Variants in MAGT1 observed in about 807,000 individuals in gnomAD.
MAGT1 encodes the protein magnesium transporter 1, also known as dolichyl-diphosphooligosaccharide--protein glycosyltransferase subunit MAGT1.
Under a neutral mutation model 28.4 loss-of-function variants are expected in MAGT1, and 4 were observed. The ratio of observed to expected loss-of-function variants is 0.14; its 90% confidence interval spans 0.07 to 0.32. The LOEUF is 0.32. Among genes scored for constraint, MAGT1 ranks in the 10% least tolerant of loss-of-function variants. The probability of loss-of-function intolerance (pLI) is 1.00; values close to 1 mark genes in which losing one functional copy is unlikely to be tolerated. For missense variants in MAGT1, 193 were observed against 264.5 expected (o/e 0.73, Z 1.88); for synonymous variants, 89 against 89.7 (o/e 0.99, Z 0.04).
At chrX:77,847,289 G>A in intron 7 of MAGT1, among the ~76,000 whole-genome samples, 1 of 112,630 alleles carries the variant, frequency 8.9e-6, no homozygotes, top group Non-Finnish European at 1.9e-5. Context: ...GAAAAGCACA[G>A]TATTAGGGTG....
At chrX:77,864,789 A>G (rs1192403333) in intron 3 of MAGT1, among the ~76,000 whole-genome samples, 1 of 110,412 alleles carries the variant, frequency 9.1e-6, no homozygotes, top group Non-Finnish European at 1.9e-5. Flanking sequence ...CTGGCTCACT[A>G]CAACCTCCAC....
At chrX:77,844,634 C>A (rs1254043435) in intron 7 of MAGT1, among the ~76,000 whole-genome samples, 2 of 111,128 alleles carry the variant, frequency 1.8e-5, no homozygotes, top group Non-Finnish European at 3.8e-5. Flanking sequence ...CCCAGAGATT[C>A]TGGTATGTTG....
At chrX:77,842,436 AT>A (rs1340425377) in intron 7 of MAGT1, among the ~76,000 whole-genome samples, 1 of 111,502 alleles carries the variant, frequency 9.0e-6, no homozygotes, top group Non-Finnish European at 1.9e-5. Flanking sequence ...TATTTTTTAA[AT>A]TTTTCCCATG....
At chrX:77,868,573 G>A in intron 3 of MAGT1, 1 of 219,462 alleles carries the variant, frequency 4.6e-6, no homozygotes, top group Non-Finnish European at 9.0e-6. Context: ...GGAGGCAGAG[G>A]TTGCAGTGAG....
chrX:77,831,594 CTTTTTTTT>C (rs67369107), intron 8 of MAGT1, among the ~76,000 whole-genome samples: 1 of 91,330 alleles, frequency 1.1e-5, no homozygotes, highest in Non-Finnish European at 2.2e-5. Flanking sequence ...TTTTGGTTTT[CTTTTTTTT>C]TTTTTTTTGA....
At chrX:77,889,128 C>T (rs1038165687) in intron 1 of MAGT1, among the ~76,000 whole-genome samples, 2 of 102,678 alleles carry the variant, frequency 1.9e-5, no homozygotes, top group African/African-American at 7.0e-5. Flanking sequence ...GCACACACCA[C>T]CATGCTCTGC....
At chrX:77,869,469 C>T (rs2077015224) in intron 3 of MAGT1, among the ~76,000 whole-genome samples, 1 of 111,999 alleles carries the variant, frequency 8.9e-6, no homozygotes, top group Non-Finnish European at 1.9e-5. Context: ...ACCAACAACC[C>T]ACAGAGTGGG....
At chrX:77,871,214 T>C (rs2077019661) in intron 2 of MAGT1, among the ~76,000 whole-genome samples, 1 of 112,313 alleles carries the variant, frequency 8.9e-6, no homozygotes, top group Non-Finnish European at 1.9e-5. Flanking sequence ...TCAACAATCA[T>C]TGGAAATATA....
Position 77,858,395 on chromosome X carries a change from T to C in MAGT1, c.391-898A>G, listed in dbSNP as rs1405828657. ...TAGTAGAGACAGGGGTTCACCATGT[T>C]GGCCAGGCTGGTCTTGAACTCCTGA... On this transcript the variant is annotated intron_variant, in intron 3 of 9. Transcript: ENST00000618282. Among the ~76,000 whole-genome samples the C allele has an allele frequency of 4.5e-5, 5 of 110,918 alleles. No individual in the cohort carries two copies. In the Admixed American group the frequency reaches 4.9e-4, roughly 11 times the overall value.
intron 1 of MAGT1, among the ~76,000 whole-genome samples, chrX:77,884,194 AAAAC>A (rs1424738076): frequency 7.2e-5 from 8 of 111,672 alleles, no homozygotes; most frequent in Non-Finnish European, 1.3e-4. Flanking sequence ...CTCTGTCTAA[AAAAC>A]AAACAAACAA....
chrX:77,883,559 T>C (rs868979313), intron 1 of MAGT1, among the ~76,000 whole-genome samples: 1,226 of 97,785 alleles, frequency 0.013, 20 homozygotes, highest in African/African-American at 0.044. Flanking sequence ...TTTTCTTTTT[T>C]TTTTTTTTTT....
At chrX:77,841,347 T>C in intron 7 of MAGT1, 27 bp from the exon 8 acceptor site, 1 of 1,014,077 alleles carries the variant, frequency 9.9e-7, no homozygotes, top group Non-Finnish European at 1.4e-6. Flanking sequence ...AAGGAGAAAT[T>C]CGCACAGACA....
At chrX:77,835,469 A>T (rs1173151656) in intron 8 of MAGT1, among the ~76,000 whole-genome samples, 1 of 111,574 alleles carries the variant, frequency 9.0e-6, no homozygotes, top group Non-Finnish European at 1.9e-5. Flanking sequence ...ACCCTTGTAC[A>T]CTGTTGTACA....
At chrX:77,842,068 AACT>A (rs2076936569) in intron 7 of MAGT1, among the ~76,000 whole-genome samples, 1 of 109,540 alleles carries the variant, frequency 9.1e-6, no homozygotes, top group African/African-American at 3.3e-5. Flanking sequence ...GGAGAACAGT[AACT>A]ACTTTTTATT....
At chrX:77,875,319 G>A in intron 2 of MAGT1, 109 bp downstream of exon 2, 2 of 691,870 alleles carry the variant, frequency 2.9e-6, no homozygotes, top group Admixed American at 2.2e-5. Flanking sequence ...CCTGAGTAAG[G>A]TATACACATT....
At chrX:77,870,373 A>C (rs2077017659) in intron 3 of MAGT1, among the ~76,000 whole-genome samples, 3 of 110,794 alleles carry the variant, frequency 2.7e-5, no homozygotes, top group Non-Finnish European at 5.7e-5. Context: ...CATGTAACCA[A>C]AAACCACCTG....
chrX:77,842,246 T>C (rs2076937118), intron 7 of MAGT1, among the ~76,000 whole-genome samples: 1 of 108,372 alleles, frequency 9.2e-6, no homozygotes, highest in Admixed American at 1.0e-4. Context: ...ATACAAAAAA[T>C]TGGCCAGGCT....
intron 8 of MAGT1, among the ~76,000 whole-genome samples, chrX:77,838,652 G>A (rs1338476640): frequency 9.2e-6 from 1 of 108,430 alleles, no homozygotes; most frequent in African/African-American, 3.4e-5. Context: ...CAGCTACATG[G>A]GAGGCTGAGG....
At chrX:77,842,752 G>A (rs978244193) in intron 7 of MAGT1, among the ~76,000 whole-genome samples, 1 of 110,551 alleles carries the variant, frequency 9.0e-6, no homozygotes, top group East Asian at 2.8e-4. Context: ...ACTTGAACCC[G>A]GGAGGCAGAG....
Sources: allele counts gnomAD v4.1 joint callset (sites outside exome capture counted in the v4.1 genomes callset), GRCh38; gene constraint gnomAD v4.1.1; transcripts MANE v1.5; gene names NCBI Gene and HGNC (gene_info 2026-07-23, HGNC 2026-07-21).